Variants in TSGA10 observed in about 807,000 individuals in gnomAD.
TSGA10 encodes the protein testis specific 10, also known as testis-specific gene 10 protein.
A neutral mutation model predicts 96.6 loss-of-function variants in TSGA10; 43 were observed. The observed-to-expected ratio is 0.44, with a 90% CI of 0.35 to 0.57. The LOEUF is 0.57. Ranked by LOEUF, TSGA10 falls within the 20% of genes least tolerant of loss-of-function variation. TSGA10 has a pLI of 0.01. For missense variants in TSGA10, 703 were observed against 834.4 expected (o/e 0.84, Z 1.94); for synonymous variants, 229 against 269.9 (o/e 0.85, Z 1.48).
chr2:99,044,178 A>G (rs768545050), intron 16 of TSGA10, among the ~76,000 whole-genome samples: 2 of 152,130 alleles, frequency 1.3e-5, no homozygotes, highest in South Asian at 4.1e-4. Flanking sequence ...ACACATAACA[A>G]TATTAACCTT....
intron 10 of TSGA10, among the ~76,000 whole-genome samples, chr2:99,085,961 A>C (rs2088301845): frequency 6.6e-6 from 1 of 152,222 alleles, no homozygotes; most frequent in African/African-American, 2.4e-5. Context: ...TCAACAGACT[A>C]ATAAAGCAGA....
chr2:99,137,605 C>A (rs1377366758), intron 1 of TSGA10, among the ~76,000 whole-genome samples: 3 of 150,918 alleles, frequency 2.0e-5, no homozygotes, highest in African/African-American at 7.3e-5. Flanking sequence ...CCCACAGGAT[C>A]TCATTATTTT....
chr2:99,080,756 C>T lies in TSGA10; in HGVS notation c.727+526G>A, dbSNP rs1442091033. On this transcript the variant is annotated intron_variant, in intron 11 of 20. Transcript: ENST00000393483. ...TCTATAGCCCTGACCAAAATTTTAC[C>T]CTGTAAGATTAAGTTAGGACCATAT... Among the ~76,000 whole-genome samples, 3 of 151,990 alleles carry T rather than the reference C, an allele frequency of 2.0e-5. No individual in the cohort carries two copies. The East Asian group carries it at 5.8e-4, about 29-fold the overall frequency.
chr2:99,083,686 C>T lies in TSGA10; in HGVS notation c.612-2289G>A, dbSNP rs558039807. Among the ~76,000 whole-genome samples the T allele has an allele frequency of 1.6e-3, 241 of 152,228 alleles. 2 individuals are homozygous for T. Among genetic ancestry groups the T allele is most frequent in the Admixed American group, 8.0e-3 (122 of 15,290 alleles). On this transcript the variant is annotated intron_variant, in intron 10 of 20. Transcript: ENST00000393483. Reference sequence around the variant, plus strand: ...TTAATACTTGGCTGGATCTCAATGGCATTATTCTGAGTTTTCAAGCGAATC... The same window carrying T: ...TTAATACTTGGCTGGATCTCAATGGTATTATTCTGAGTTTTCAAGCGAATC...
At chr2:99,052,595 G>A (rs982245471) in intron 16 of TSGA10, among the ~76,000 whole-genome samples, 14 of 151,804 alleles carry the variant, frequency 9.2e-5, no homozygotes, top group East Asian at 7.7e-4. Flanking sequence ...AAAATTAGCC[G>A]GGCGTGGTGG....
At chr2:99,125,239 A>G (rs1273084128) in intron 2 of TSGA10, 1 of 152,200 alleles carries the variant, frequency 6.6e-6, no homozygotes. Flanking sequence ...ATTCCACTGT[A>G]TAGGTGTACA....
intron 10 of TSGA10, among the ~76,000 whole-genome samples, chr2:99,085,169 C>T (rs2088094937): frequency 6.6e-6 from 1 of 152,016 alleles, no homozygotes; most frequent in African/African-American, 2.4e-5. Flanking sequence ...ATTGCTTGAA[C>T]CCAGGAGGCG....
At chr2:99,022,841 C>T (rs932752605) in intron 17 of TSGA10, among the ~76,000 whole-genome samples, 1 of 152,120 alleles carries the variant, frequency 6.6e-6, no homozygotes, top group African/African-American at 2.4e-5. Flanking sequence ...ACATTTTTGT[C>T]AACATTTTTT....
intron 12 of TSGA10, among the ~76,000 whole-genome samples, chr2:99,077,126 CCTTTTTT>C: frequency 8.0e-6 from 1 of 124,516 alleles, no homozygotes; most frequent in African/African-American, 2.9e-5. Context: ...GGACCATTCA[CCTTTTTT>C]TTTTTTTTTT....
intron 1 of TSGA10, chr2:99,147,389 A>G (rs1476237793): frequency 7.6e-7 from 1 of 1,308,234 alleles, no homozygotes; most frequent in East Asian, 2.3e-5. Context: ...TTATTCTTAC[A>G]TATATATTCC....
chr2:99,087,857 C>T (rs1183374631), intron 10 of TSGA10, among the ~76,000 whole-genome samples: 3 of 152,010 alleles, frequency 2.0e-5, no homozygotes, highest in African/African-American at 4.8e-5. Context: ...AGCAATAGAA[C>T]TGAACAGACA....
intron 1 of TSGA10, among the ~76,000 whole-genome samples, chr2:99,136,009 C>CAAAAAAAAAAAA (rs56120844): frequency 4.0e-5 from 5 of 125,760 alleles, no homozygotes; most frequent in South Asian, 2.6e-4. Context: ...GACTTCGTAC[C>CAAAAAAAAAAAA]AAAAAAAAAA....
At chr2:99,047,515 A>T (rs2082918278) in intron 16 of TSGA10, among the ~76,000 whole-genome samples, 1 of 152,210 alleles carries the variant, frequency 6.6e-6, no homozygotes. Flanking sequence ...CCTTTGACAA[A>T]ATTCAACAGC....
intron 12 of TSGA10, among the ~76,000 whole-genome samples, chr2:99,077,611 G>C (rs1258897965): frequency 6.6e-6 from 1 of 151,952 alleles, no homozygotes. Flanking sequence ...GCCCAGGCTG[G>C]AGTGCAATGG....
Position 99,145,158 on chromosome 2 carries a change from T to C in TSGA10, c.-621+9535A>G, listed in dbSNP as rs1304919615. ...TCCAGCTTCTACTGGCAGCCCATGT[T>C]CCTTGGCTTGTGATCCCAGTCTATA... On this transcript the variant is annotated intron_variant, in intron 1 of 20. Coordinates refer to ENST00000393483, the MANE Select transcript of TSGA10 (RefSeq NM_025244.4). 1.3e-5 allele frequency among the ~76,000 whole-genome samples: 2 copies of C among 152,198 alleles called. 1 individual carries two copies. Among genetic ancestry groups the C allele is most frequent in the Non-Finnish European group, 2.9e-5 (2 of 68,030 alleles).
intron 10 of TSGA10, chr2:99,102,720 G>A (rs1428757142): frequency 6.2e-7 from 1 of 1,610,436 alleles, no homozygotes; most frequent in African/African-American, 1.3e-5. Flanking sequence ...GATGGCCAAA[G>A]ACTTTGTAGA....
At chr2:99,104,765 G>A (rs1395451858) in intron 9 of TSGA10, among the ~76,000 whole-genome samples, 6 of 152,062 alleles carry the variant, frequency 3.9e-5, no homozygotes, top group Non-Finnish European at 7.4e-5. Flanking sequence ...ATGAGCCACC[G>A]TGCCCAGCCC....
In TSGA10 at chr2:99,154,872, C is replaced by T. The variant is rs1252779080; in HGVS notation, c.-800G>A. 2.8e-6 allele frequency: 1 copy of T among 357,710 alleles called. No homozygotes were observed. The highest frequency in any genetic ancestry group is 5.6e-6 in the Non-Finnish European group (1 of 179,390). The allele number at this position is 357,710 out of a possible 1,614,324, so 22.2% of individuals were successfully genotyped here. A position where few individuals can be genotyped will look rare whatever the true frequency, so the allele number is the denominator to read the frequency against. ...TGCGGGCTGCCGGGACCCCACGGCT[C>T]CGCAGGCGGAGAGACTAGGCGCGAT... is the stretch of plus-strand genomic sequence containing the variant. On this transcript the variant is annotated 5_prime_UTR_variant, in exon 1 of 21. Transcript: ENST00000393483.
intron 20 of TSGA10, among the ~76,000 whole-genome samples, chr2:99,003,039 A>T (rs1418515657): frequency 6.6e-6 from 1 of 152,048 alleles, no homozygotes; most frequent in African/African-American, 2.4e-5. Context: ...TTGTATTTTT[A>T]GTAGAGACAG....
Sources: gnomAD v4.1 joint callset for allele counts (sites outside exome capture counted in the v4.1 genomes callset) on GRCh38, gnomAD v4.1.1 for gene constraint, MANE v1.5 for transcripts, NCBI Gene and HGNC (gene_info 2026-07-23, HGNC 2026-07-21) for gene names.